Variants in CSNK1A1 observed in about 807,000 individuals in gnomAD.
CSNK1A1 encodes the protein casein kinase I isoform alpha.
In CSNK1A1, 7 loss-of-function variants were observed where a neutral mutation model predicts 46.1. The observed-to-expected ratio is 0.15, with a 90% confidence interval of 0.09 to 0.29. The LOEUF (loss-of-function observed/expected upper bound fraction) is 0.29, where lower values mean the gene tolerates loss of function less well. CSNK1A1 is among the 10% of genes least tolerant of loss of function. The pLI is 1.00. For synonymous variants in CSNK1A1, 137 were observed against 141.5 expected, an observed-to-expected ratio of 0.97 and a Z score of 0.23; for missense variants, 96 against 417.1, an observed-to-expected ratio of 0.23 and a Z score of 6.71.
chr5:149,507,748 C>T (rs1279506531), intron 7 of CSNK1A1, among the ~76,000 whole-genome samples: 2 of 152,202 alleles, frequency 1.3e-5, no homozygotes, highest in African/African-American at 4.8e-5. Flanking sequence ...GCTGGGATTA[C>T]AGGTGTGAGC....
chr5:149,507,765 G>A lies in CSNK1A1; in HGVS notation c.751-632C>T, dbSNP rs143673828. Among the ~76,000 whole-genome samples the A allele has an allele frequency of 3.0e-3, 462 of 152,254 alleles. 3 individuals are homozygous for A. The highest frequency in any genetic ancestry group is 0.011 in the African/African-American group (440 of 41,556). ...TGGGATTACAGGTGTGAGCCACCATGCCCAGCCTTCAGAAGTTTCTAAATG... is the reference window on the plus strand; with the variant it reads ...TGGGATTACAGGTGTGAGCCACCATACCCAGCCTTCAGAAGTTTCTAAATG... On this transcript the variant is annotated intron_variant, in intron 7 of 9. Coordinates refer to ENST00000377843, the MANE Select transcript of CSNK1A1 (RefSeq NM_001892.6).
chr5:149,538,486 C>T (rs113540564), intron 2 of CSNK1A1, among the ~76,000 whole-genome samples: 1 of 152,094 alleles, frequency 6.6e-6, no homozygotes, highest in Non-Finnish European at 1.5e-5. Context: ...AGAATAGAAG[C>T]TAACAACACT....
At chr5:149,498,541 T>G (rs1428887380) in intron 9 of CSNK1A1, 3 of 984,974 alleles carry the variant, frequency 3.0e-6, no homozygotes, top group Non-Finnish European at 3.6e-6. Flanking sequence ...AGAAAAAAAG[T>G]ACAATACAGG....
At chr5:149,515,755 G>A (rs1381235218) in intron 4 of CSNK1A1, among the ~76,000 whole-genome samples, 1 of 152,134 alleles carries the variant, frequency 6.6e-6, no homozygotes, top group Non-Finnish European at 1.5e-5. Flanking sequence ...TAATGGAAAT[G>A]TTTACATGAA....
At chr5:149,499,956 T>C (rs971839360) in intron 9 of CSNK1A1, among the ~76,000 whole-genome samples, 3 of 76,502 alleles carry the variant, frequency 3.9e-5, no homozygotes, top group Non-Finnish European at 5.7e-5. Context: ...TGGGGTTTTT[T>C]TTCTTTTTTT....
At chr5:149,497,795 CAT>C (rs1760700197) in intron 9 of CSNK1A1, 1 of 985,306 alleles carries the variant, frequency 1.0e-6, no homozygotes, top group African/African-American at 1.7e-5. Flanking sequence ...CAGCCCAGGT[CAT>C]GTTTTCTTCA....
intron 9 of CSNK1A1, chr5:149,504,677 T>C (rs1760971475): frequency 1.0e-6 from 1 of 985,336 alleles, no homozygotes; most frequent in Non-Finnish European, 1.2e-6. Flanking sequence ...TTTGCCCCAG[T>C]TACCTTCAAT....
chr5:149,498,467 G>A (rs1022754014), intron 9 of CSNK1A1: 2 of 985,194 alleles, frequency 2.0e-6, no homozygotes, highest in Admixed American at 1.2e-4. Context: ...ACTATACCCT[G>A]TGACCAAATT....
chr5:149,504,181 C>CTGAAAA (rs1760958150), intron 9 of CSNK1A1: 1 of 985,272 alleles, frequency 1.0e-6, no homozygotes, highest in African/African-American at 1.7e-5. Context: ...GTTTACATGT[C>CTGAAAA]ACCATCTGAA....
At chr5:149,511,928 G>A in intron 5 of CSNK1A1, 56 bp from the exon 6 acceptor site, 4 of 1,363,136 alleles carry the variant, frequency 2.9e-6, no homozygotes, top group Non-Finnish European at 4.1e-6. Context: ...AAAAACATAT[G>A]AAAGAAAGTC....
intron 6 of CSNK1A1, among the ~76,000 whole-genome samples, chr5:149,510,178 G>T (rs1353570168): frequency 1.3e-5 from 2 of 152,224 alleles, no homozygotes; most frequent in Non-Finnish European, 2.9e-5. Flanking sequence ...TATAGGGAAA[G>T]GGTGAGTCTA....
rs1292350772 is a variant in CSNK1A1, at chr5:149,502,011, A to C, written c.1006+3436T>G. Reference sequence around the variant, plus strand: ...GGCATAAAGAGAAGTCTTTTGATGGATATTGGAATGGAGTATTTGAAAAGA... The same window carrying C: ...GGCATAAAGAGAAGTCTTTTGATGGCTATTGGAATGGAGTATTTGAAAAGA... On this transcript the variant is annotated intron_variant, in intron 9 of 9. Transcript: ENST00000377843. 4 of 966,576 alleles carry C rather than the reference A, an allele frequency of 4.1e-6. No homozygotes were observed. In the East Asian group the frequency reaches 3.4e-4, roughly 83 times the overall value. 59.9% of individuals were successfully genotyped at this position (966,576 alleles called of 1,614,324 possible). A position where few individuals can be genotyped will look rare whatever the true frequency, so the allele number is the denominator to read the frequency against.
At chr5:149,531,517 T>C (rs1208298394) in intron 2 of CSNK1A1, among the ~76,000 whole-genome samples, 1 of 127,668 alleles carries the variant, frequency 7.8e-6, no homozygotes, top group East Asian at 2.2e-4. Flanking sequence ...AAACTCTGTC[T>C]CAAAAAAAAA....
intron 9 of CSNK1A1, chr5:149,502,975 G>A (rs2113059975): frequency 2.6e-6 from 2 of 773,808 alleles, no homozygotes; most frequent in South Asian, 1.2e-4. Flanking sequence ...CACCATGTTG[G>A]CCAGACTCTC....
At chr5:149,513,517 G>T (rs1202418813) in intron 4 of CSNK1A1, among the ~76,000 whole-genome samples, 1 of 152,180 alleles carries the variant, frequency 6.6e-6, no homozygotes, top group Non-Finnish European at 1.5e-5. Flanking sequence ...ATGCTTGACA[G>T]CAGAAGCAAC....
In CSNK1A1 at chr5:149,505,023, T is replaced by C. The variant is rs1298205081; in HGVS notation, c.1006+424A>G. 6 of 986,202 alleles carry C rather than the reference T, an allele frequency of 6.1e-6. No individual in the cohort carries two copies. The African/African-American group carries it at 7.0e-5, about 11-fold the overall frequency. The allele number at this position is 986,202 out of a possible 1,614,324, so 61.1% of individuals were successfully genotyped here. On this transcript the variant is annotated intron_variant, in intron 9 of 9. Transcript: ENST00000377843. ...TGCAAAATAAAAAATCTTAACATTGTTAGTCTGAAATAAAGTCAAAATATG... is the reference window on the plus strand; with the variant it reads ...TGCAAAATAAAAAATCTTAACATTGCTAGTCTGAAATAAAGTCAAAATATG...
chr5:149,533,303 TGAA>T (rs57629447), intron 2 of CSNK1A1, among the ~76,000 whole-genome samples: 40,021 of 151,832 alleles, frequency 0.26, 5,639 homozygotes, highest in Admixed American at 0.41. Flanking sequence ...AACACCATGA[TGAA>T]GGAGAGAAGA....
At chr5:149,535,368 C>T (rs936698749) in intron 2 of CSNK1A1, among the ~76,000 whole-genome samples, 2 of 152,132 alleles carry the variant, frequency 1.3e-5, no homozygotes, top group Non-Finnish European at 2.9e-5. Flanking sequence ...CTTTACTACA[C>T]AAGAGTAAAA....
chr5:149,492,986 G>A lies in CSNK1A1; in HGVS notation c.*3867C>T, dbSNP rs901556538. ...GGTATCTTATTCAGTGAGTTGTAAC[G>A]TTGCTACCAGTTTATTTTGATAATT... On this transcript the variant is annotated 3_prime_UTR_variant, in exon 10 of 10. Transcript: ENST00000377843. 2.0e-5 allele frequency: 3 copies of A among 152,148 alleles called. No individual in the cohort carries two copies. Among genetic ancestry groups the A allele is most frequent in the Admixed American group, 6.5e-5 (1 of 15,276 alleles). 9.4% of individuals were successfully genotyped at this position (152,148 alleles called of 1,614,324 possible). A position where few individuals can be genotyped will look rare whatever the true frequency, so the allele number is the denominator to read the frequency against.
Sources: allele counts gnomAD v4.1 joint callset (sites outside exome capture counted in the v4.1 genomes callset), GRCh38; gene constraint gnomAD v4.1.1; transcripts MANE v1.5; gene names NCBI Gene and HGNC (gene_info 2026-07-23, HGNC 2026-07-21).